TLL2: variants seen among roughly 807,000 people sequenced by gnomAD.
The protein encoded by TLL2 is tolloid-like protein 2.
A neutral mutation model predicts 123.0 loss-of-function variants in TLL2; 106 were observed. That is an observed-to-expected ratio of 0.86 (90% CI 0.74 to 1.01). The LOEUF (loss-of-function observed/expected upper bound fraction) is 1.01, where lower values mean the gene tolerates loss of function less well. Ranked by LOEUF, TLL2 falls within the 50% of genes least tolerant of loss-of-function variation. TLL2 has a pLI of 0.00. For synonymous variants in TLL2, 494 were observed against 516.8 expected, an observed-to-expected ratio of 0.96 and a Z score of 0.60; for missense variants, 1,332 against 1,336.7, an observed-to-expected ratio of 1.00 and a Z score of 0.06.
At chr10:96,482,509 A>G (rs1847321323) in intron 1 of TLL2, among the ~76,000 whole-genome samples, 1 of 152,262 alleles carries the variant, frequency 6.6e-6, no homozygotes, top group Admixed American at 6.5e-5. Flanking sequence ...GGAACAAACT[A>G]TAGACACAGG....
chr10:96,379,059 C>T lies in TLL2; in HGVS notation c.2228G>A (p.Cys743Tyr), dbSNP rs1036698517. Residue 743 changes from cysteine (C) to tyrosine (Y), a missense_variant, in exon 17 of 21, where the codon TGT becomes TAT. Coordinates refer to ENST00000357947, the MANE Select transcript of TLL2 (RefSeq NM_012465.4). The part of the protein sequence containing the change: ...KDECAKDNGG[C>Y]QHECVNTFGS... ...GAAGGTGTTGACGCACTCATGCTGA[C>T]ACCCGCCGTTGTCCTTGGCACACTC... The T allele has an allele frequency of 2.3e-5, 37 of 1,614,090 alleles. No individual in the cohort carries two copies. The highest frequency in any genetic ancestry group is 3.1e-5 in the Non-Finnish European group (36 of 1,180,024).
At chr10:96,421,557 G>A (rs1846622347) in intron 6 of TLL2, among the ~76,000 whole-genome samples, 1 of 151,964 alleles carries the variant, frequency 6.6e-6, no homozygotes, top group Non-Finnish European at 1.5e-5. Flanking sequence ...CCTGCTACTT[G>A]GGAGGCTGAG....
At chr10:96,391,210 T>C (rs1239953085) in intron 13 of TLL2, among the ~76,000 whole-genome samples, 1 of 152,208 alleles carries the variant, frequency 6.6e-6, no homozygotes, top group Non-Finnish European at 1.5e-5. Context: ...CATTCATTCA[T>C]TGATCTATCC....
intron 11 of TLL2, among the ~76,000 whole-genome samples, 165 bp from the exon 12 acceptor site, chr10:96,396,185 G>A (rs1388959748): frequency 1.3e-5 from 2 of 152,100 alleles, no homozygotes; most frequent in Non-Finnish European, 2.9e-5. Flanking sequence ...AGAAAGGCAC[G>A]ATTGCATTTG....
chr10:96,415,094 C>T lies in TLL2; in HGVS notation c.924-1778G>A, dbSNP rs59991037. On this transcript the variant is annotated intron_variant, in intron 7 of 20. Transcript: ENST00000357947. ...AGGCACGTGCCTTTTTTGCTTAGAA[C>T]GCTTCACCAACTTCCAGTCACCACT... 4.0e-3 allele frequency among the ~76,000 whole-genome samples: 616 copies of T among 152,288 alleles called. 6 individuals carry two copies. The highest frequency in any genetic ancestry group is 0.014 in the African/African-American group (572 of 41,556).
intron 4 of TLL2, among the ~76,000 whole-genome samples, chr10:96,430,934 T>C (rs1364842492): frequency 6.6e-6 from 1 of 152,138 alleles, no homozygotes; most frequent in African/African-American, 2.4e-5. Context: ...AAAAATAGAA[T>C]AACTTAACTG....
chr10:96,488,417 G>A (rs1160030672), intron 1 of TLL2, among the ~76,000 whole-genome samples: 1 of 152,222 alleles, frequency 6.6e-6, no homozygotes, highest in Non-Finnish European at 1.5e-5. Flanking sequence ...CCCACCTCAA[G>A]GCCCAGAGAG....
chr10:96,513,652 A>G lies in TLL2; in HGVS notation c.34T>C (p.Ser12Pro). 1.3e-6 allele frequency: 2 copies of G among 1,584,928 alleles called. No individual in the cohort carries two copies. Among genetic ancestry groups the G allele is most frequent in the South Asian group, 1.1e-5 (1 of 89,526 alleles). The change falls in exon 1 of 21, where the codon TCA becomes CCA. Residue 12 changes from serine (S) to proline (P), a missense_variant. Physicochemically the swap from Ser to Pro is moderately conservative, Grantham distance 74. Coordinates refer to ENST00000357947, the MANE Select transcript of TLL2 (RefSeq NM_012465.4). ...GGCAGCGGCAGCAGCAGCAGCAGTG[A>G]CACCAGGGCCCCAAGTGCAGTCGCC... ...PRATALGALV[S>P]LLLLLPLPRG... is the part of the protein sequence containing the mutation.
intron 5 of TLL2, among the ~76,000 whole-genome samples, chr10:96,425,815 C>G (rs1846673710): frequency 6.6e-6 from 1 of 151,952 alleles, no homozygotes; most frequent in Non-Finnish European, 1.5e-5. Context: ...TTGTTCCTGC[C>G]AATATTCACA....
chr10:96,501,523 C>G (rs1589437920), intron 1 of TLL2, among the ~76,000 whole-genome samples: 1 of 152,234 alleles, frequency 6.6e-6, no homozygotes, highest in African/African-American at 2.4e-5. Flanking sequence ...TCAATAGCTC[C>G]CCATTTCCTT....
At chr10:96,438,358 T>C (rs1846817742) in intron 3 of TLL2, among the ~76,000 whole-genome samples, 1 of 152,250 alleles carries the variant, frequency 6.6e-6, no homozygotes, top group Non-Finnish European at 1.5e-5. Flanking sequence ...AAGTATTTCA[T>C]CTTCTTTGGA....
At chr10:96,471,627 C>T (rs998379665) in intron 2 of TLL2, among the ~76,000 whole-genome samples, 15 of 152,170 alleles carry the variant, frequency 9.9e-5, no homozygotes, top group Admixed American at 5.2e-4. Flanking sequence ...ATTTAATCCT[C>T]GCTGTGAGGC....
chr10:96,407,820 C>T lies in TLL2; in HGVS notation c.1165-2486G>A, dbSNP rs138751878. Among the ~76,000 whole-genome samples the T allele has an allele frequency of 2.6e-4, 39 of 152,332 alleles. 1 individual carries two copies. Among genetic ancestry groups the T allele is most frequent in the South Asian group, 1.9e-3 (9 of 4,832 alleles). ...CCTTCTGTCATTGAGTGTGTGTGCG[C>T]GCACGCGTGGGTGCATGCATGTGTG... On this transcript the variant is annotated intron_variant, in intron 9 of 20. Transcript: ENST00000357947.
At chr10:96,415,403 C>T (rs1424349108) in intron 7 of TLL2, among the ~76,000 whole-genome samples, 1 of 152,066 alleles carries the variant, frequency 6.6e-6, no homozygotes, top group African/African-American at 2.4e-5. Context: ...TTCTACTCCT[C>T]CCATCTGGAG....
intron 9 of TLL2, among the ~76,000 whole-genome samples, chr10:96,407,597 T>C (rs1358932324): frequency 1.3e-5 from 2 of 152,210 alleles, no homozygotes; most frequent in East Asian, 3.8e-4. Flanking sequence ...GTAGTCCACA[T>C]TGAGTGTACA....
At position 96,505,083 on chromosome 10, in the gene TLL2, A is replaced by C. The variant is rs570662563; in HGVS notation, c.175+8428T>G. 4.8e-4 allele frequency among the ~76,000 whole-genome samples: 73 copies of C among 152,370 alleles called. 1 individual carries two copies. The South Asian group carries it at 0.011, about 22-fold the overall frequency. ...CCTGCGACTGGGTAATTTATAAGCA[A>C]AAGAGGCTTAATTGACTCGCAGTTC... On this transcript the variant is annotated intron_variant, in intron 1 of 20. Transcript: ENST00000357947.
At chr10:96,436,521 T>A (rs1846796413) in intron 3 of TLL2, among the ~76,000 whole-genome samples, 1 of 152,230 alleles carries the variant, frequency 6.6e-6, no homozygotes, top group Non-Finnish European at 1.5e-5. Flanking sequence ...ATTTTCTCTA[T>A]CCTTAATTTT....
intron 10 of TLL2, among the ~76,000 whole-genome samples, chr10:96,401,987 T>C (rs7079954): frequency 0.97 from 148,175 of 152,292 alleles, 72,204 homozygotes; most frequent in East Asian, 1. Flanking sequence ...AATTCTGGTC[T>C]GATCTCAGCC....
At chr10:96,417,525 A>G (rs968963519) in intron 7 of TLL2, among the ~76,000 whole-genome samples, 1 of 152,214 alleles carries the variant, frequency 6.6e-6, no homozygotes, top group African/African-American at 2.4e-5. Context: ...CTATTTCTCC[A>G]CTTGCTTGAG....
Sources: gnomAD v4.1 joint callset for allele counts (sites outside exome capture counted in the v4.1 genomes callset) on GRCh38, gnomAD v4.1.1 for gene constraint, MANE v1.5 for transcripts, NCBI Gene and HGNC (gene_info 2026-07-23, HGNC 2026-07-21) for gene names.